Variants in CAMK2B observed in about 807,000 individuals in gnomAD.
The protein encoded by CAMK2B is calcium/calmodulin dependent protein kinase II beta, also known as calcium/calmodulin-dependent protein kinase type II subunit beta.
A neutral mutation model predicts 93.7 loss-of-function variants in CAMK2B; 27 were observed. That is an observed-to-expected ratio of 0.29 (90% CI 0.21 to 0.40). CAMK2B has a LOEUF of 0.40. CAMK2B is among the 10% of genes least tolerant of loss of function. CAMK2B has a pLI of 1.00. For missense variants in CAMK2B, 568 were observed against 895.8 expected (o/e 0.63, Z 4.67); for synonymous variants, 374 against 358.8 (o/e 1.04, Z -0.48).
intron 4 of CAMK2B, among the ~76,000 whole-genome samples, chr7:44,255,217 G>C (rs2096824369): frequency 6.6e-6 from 1 of 152,212 alleles, no homozygotes; most frequent in Admixed American, 6.5e-5. Flanking sequence ...ATGACAGGCA[G>C]AAGGGAGGTC....
intron 2 of CAMK2B, among the ~76,000 whole-genome samples, chr7:44,279,229 T>C (rs1584530478): frequency 6.6e-6 from 1 of 152,258 alleles, no homozygotes; most frequent in Non-Finnish European, 1.5e-5. Flanking sequence ...GGGGCCCAGA[T>C]GGAACAAGAC....
Position 44,274,378 on chromosome 7 carries a change from C to T in CAMK2B, c.160+9753G>A, listed in dbSNP as rs183303752. Among the ~76,000 whole-genome samples, 194 of 152,316 alleles carry T rather than the reference C, an allele frequency of 1.3e-3. 1 individual carries two copies. Among genetic ancestry groups the T allele is most frequent in the Non-Finnish European group, 2.2e-3 (151 of 68,012 alleles). ...AGGGCTCCCTGCAGCTGTTCCCCCTCGAGCTTTGCCCTGGATCTCCAGCTC... is the reference window on the plus strand; with the variant it reads ...AGGGCTCCCTGCAGCTGTTCCCCCTTGAGCTTTGCCCTGGATCTCCAGCTC... On this transcript the variant is annotated intron_variant, in intron 2 of 23. Coordinates refer to ENST00000395749, the MANE Select transcript of CAMK2B (RefSeq NM_001220.5).
chr7:44,274,171 G>A (rs2097006422), intron 2 of CAMK2B, among the ~76,000 whole-genome samples: 1 of 152,184 alleles, frequency 6.6e-6, no homozygotes, highest in East Asian at 1.9e-4. Flanking sequence ...ACCTTCTGTA[G>A]GCTAATCACT....
chr7:44,234,758 C>T (rs1317789375), intron 13 of CAMK2B, 82 bp from the exon 14 acceptor site: 1 of 1,432,960 alleles, frequency 7.0e-7, no homozygotes, highest in African/African-American at 1.4e-5. Flanking sequence ...TTGCCTGACC[C>T]CACTCTTTCC....
chr7:44,293,640 T>C (rs1302286244), intron 1 of CAMK2B, among the ~76,000 whole-genome samples: 1 of 152,186 alleles, frequency 6.6e-6, no homozygotes, highest in East Asian at 1.9e-4. Flanking sequence ...ATTAGTTAGA[T>C]TATCTTAAGG....
At chr7:44,305,606 G>A (rs1161743372) in intron 1 of CAMK2B, among the ~76,000 whole-genome samples, 1 of 152,238 alleles carries the variant, frequency 6.6e-6, no homozygotes, top group Non-Finnish European at 1.5e-5. Context: ...GATGGACGGG[G>A]CACCCCTGTG....
chr7:44,268,834 C>T (rs1226662351), intron 2 of CAMK2B: 1 of 152,332 alleles, frequency 6.6e-6, no homozygotes, highest in African/African-American at 2.4e-5. Context: ...AGGACCGGGA[C>T]ATGGGCACAG....
At chr7:44,254,432 G>T in intron 5 of CAMK2B, 110 bp downstream of exon 5, 2 of 797,034 alleles carry the variant, frequency 2.5e-6, no homozygotes, top group Non-Finnish European at 4.4e-6. Context: ...GGGTGAGCAG[G>T]GATGCTCAGC....
At chr7:44,314,726 C>T (rs1794433366) in intron 1 of CAMK2B, among the ~76,000 whole-genome samples, 1 of 152,200 alleles carries the variant, frequency 6.6e-6, no homozygotes, top group Non-Finnish European at 1.5e-5. Flanking sequence ...AATGAGCATT[C>T]CAACTTCACA....
chr7:44,243,360 G>A (rs778212454), intron 7 of CAMK2B, 27 bp from the exon 8 acceptor site: 8 of 1,612,320 alleles, frequency 5.0e-6, no homozygotes, highest in Non-Finnish European at 6.8e-6. Flanking sequence ...AGGCCACAAG[G>A]GGCTGTCAGC....
chr7:44,261,028 C>A (rs2096875026), intron 3 of CAMK2B, among the ~76,000 whole-genome samples: 1 of 152,248 alleles, frequency 6.6e-6, no homozygotes, highest in South Asian at 2.1e-4. Flanking sequence ...TCTCACCCCT[C>A]TCTGGCTGGC....
At chr7:44,240,556 G>A in intron 12 of CAMK2B, 151 bp downstream of exon 12, 2 of 843,134 alleles carry the variant, frequency 2.4e-6, no homozygotes, top group East Asian at 2.7e-5. Flanking sequence ...AGCGGGGCCA[G>A]GTGGGCAGTG....
chr7:44,230,774 G>C (rs1348144383), intron 17 of CAMK2B, among the ~76,000 whole-genome samples: 1 of 152,210 alleles, frequency 6.6e-6, no homozygotes, highest in African/African-American at 2.4e-5. Flanking sequence ...TCACTTGGAT[G>C]CGGTGACCGA....
intron 1 of CAMK2B, among the ~76,000 whole-genome samples, chr7:44,296,003 C>T (rs1313125479): frequency 6.6e-6 from 1 of 152,168 alleles, no homozygotes; most frequent in African/African-American, 2.4e-5. Context: ...TGTCACATTA[C>T]TGAAGGCCAG....
At chr7:44,282,420 C>T (rs565477458) in intron 2 of CAMK2B, among the ~76,000 whole-genome samples, 39 of 152,346 alleles carry the variant, frequency 2.6e-4, no homozygotes, top group Admixed American at 2.2e-3. Flanking sequence ...TGGTTGGGAG[C>T]GCATGCCTCT....
intron 4 of CAMK2B, among the ~76,000 whole-genome samples, chr7:44,258,371 T>A (rs1387430469): frequency 1.3e-5 from 2 of 152,112 alleles, no homozygotes; most frequent in Non-Finnish European, 2.9e-5. Flanking sequence ...TCCCCACCCA[T>A]ATGGACCCTG....
chr7:44,247,770 G>A (rs1379069735), intron 5 of CAMK2B, among the ~76,000 whole-genome samples: 1 of 152,224 alleles, frequency 6.6e-6, no homozygotes, highest in Non-Finnish European at 1.5e-5. Context: ...GTTCATACCT[G>A]TAATCCCAGC....
intron 2 of CAMK2B, among the ~76,000 whole-genome samples, chr7:44,275,001 C>T (rs2097018744): frequency 6.6e-6 from 1 of 152,170 alleles, no homozygotes; most frequent in Non-Finnish European, 1.5e-5. Context: ...TCTTTAGGGG[C>T]CAGAACCCAG....
At chr7:44,235,255 A>G (rs1168731362) in intron 13 of CAMK2B, among the ~76,000 whole-genome samples, 3 of 152,250 alleles carry the variant, frequency 2.0e-5, no homozygotes, top group Admixed American at 2.0e-4. Context: ...CTCAGGCACC[A>G]AGGGCAGCCC....
Sources: allele counts gnomAD v4.1 joint callset (sites outside exome capture counted in the v4.1 genomes callset), GRCh38; gene constraint gnomAD v4.1.1; transcripts MANE v1.5; gene names NCBI Gene and HGNC (gene_info 2026-07-23, HGNC 2026-07-21).